Variants in CLIC5 observed in about 807,000 individuals in gnomAD.
CLIC5 encodes CLIC family member 5, also known as chloride intracellular channel protein 5.
CLIC5 carries 20 observed loss-of-function variants against 24.7 expected under a neutral mutation model. That is an observed-to-expected ratio of 0.81 (90% CI 0.57 to 1.18). The LOEUF is 1.18. CLIC5 is among the 50% of genes most tolerant of loss of function. The pLI is 0.00. For synonymous variants in CLIC5, 159 were observed against 135.6 expected (o/e 1.17, Z -1.20); for missense variants, 341 against 326.1 (o/e 1.05, Z -0.35).
At chr6:46,122,281 C>CA in the CLIC5 span, among the ~76,000 whole-genome samples, 1 of 152,210 alleles carries the variant, frequency 6.6e-6, no homozygotes, top group Non-Finnish European at 1.5e-5. Context: ...GAAACTCACT[C>CA]AAAACCACTC....
the CLIC5 span, among the ~76,000 whole-genome samples, chr6:46,125,293 G>A: frequency 6.6e-6 from 1 of 152,064 alleles, no homozygotes; most frequent in Non-Finnish European, 1.5e-5. Flanking sequence ...GGATGAAGCT[G>A]GAAACCATCA....
At chr6:45,930,184 G>C (rs1213533596) in intron 4 of CLIC5, among the ~76,000 whole-genome samples, 1 of 152,128 alleles carries the variant, frequency 6.6e-6, no homozygotes, top group Non-Finnish European at 1.5e-5. Flanking sequence ...CATGACGCCT[G>C]GGGGAAAGCA....
At chr6:46,097,685 T>C in the CLIC5 span, among the ~76,000 whole-genome samples, 1 of 152,244 alleles carries the variant, frequency 6.6e-6, no homozygotes, top group Non-Finnish European at 1.5e-5. Flanking sequence ...TTCCAGGCCA[T>C]ACATGATTCA....
At chr6:46,120,223 C>A in the CLIC5 span, among the ~76,000 whole-genome samples, 3 of 152,206 alleles carry the variant, frequency 2.0e-5, no homozygotes, top group Non-Finnish European at 2.9e-5. Context: ...GGGTACTCCT[C>A]TGAGATGAAA....
chr6:45,951,792 TAG>T (rs1764477239), intron 2 of CLIC5, among the ~76,000 whole-genome samples: 1 of 151,614 alleles, frequency 6.6e-6, no homozygotes, highest in African/African-American at 2.4e-5. Context: ...ACAGTGGGAG[TAG>T]AGGAGTCTGT....
intron 1 of CLIC5, among the ~76,000 whole-genome samples, chr6:46,050,837 T>C (rs549646958): frequency 4.8e-4 from 57 of 118,218 alleles, no homozygotes; most frequent in African/African-American, 1.8e-3. Flanking sequence ...GTATTTAAGG[T>C]ATAAAGTGTG....
At position 45,902,735 on chromosome 6, in the gene CLIC5, T is replaced by A. The variant is rs141721441; in HGVS notation, c.*353A>T. The A allele has an allele frequency of 1.2e-3, 307 of 247,010 alleles. 2 individuals are homozygous for A. Among genetic ancestry groups the A allele is most frequent in the African/African-American group, 6.6e-3 (290 of 43,646 alleles). The allele number at this position is 247,010 out of a possible 1,614,324, so 15.3% of individuals were successfully genotyped here. On this transcript the variant is annotated 3_prime_UTR_variant, in exon 6 of 6. Coordinates refer to ENST00000339561, the MANE Select transcript of CLIC5 (RefSeq NM_016929.5). Reference sequence around the variant, plus strand: ...GGGTAGAAAAGGAGTTGGTGTTGCATGTTTCTAAAGCATCTGAGAAGGTAT... The same window carrying A: ...GGGTAGAAAAGGAGTTGGTGTTGCAAGTTTCTAAAGCATCTGAGAAGGTAT...
At chr6:46,039,465 C>T (rs534142504) in intron 1 of CLIC5, among the ~76,000 whole-genome samples, 62 of 151,738 alleles carry the variant, frequency 4.1e-4, no homozygotes, top group Admixed American at 1.6e-3. Context: ...GGTGCAGAGA[C>T]GGCATTAGAT....
At chr6:45,909,006 A>G (rs1390247510) in intron 5 of CLIC5, among the ~76,000 whole-genome samples, 1 of 141,428 alleles carries the variant, frequency 7.1e-6, no homozygotes, top group African/African-American at 2.6e-5. Flanking sequence ...TGTTGTAGTC[A>G]CCCCTTTACT....
At chr6:45,944,233 G>A (rs1764219451) in intron 3 of CLIC5, among the ~76,000 whole-genome samples, 1 of 151,766 alleles carries the variant, frequency 6.6e-6, no homozygotes, top group South Asian at 2.1e-4. Context: ...TCAAAAGGAG[G>A]ATACTGTTTT....
intron 1 of CLIC5, among the ~76,000 whole-genome samples, chr6:45,972,279 G>T (rs1765226497): frequency 6.6e-6 from 1 of 152,156 alleles, no homozygotes; most frequent in Non-Finnish European, 1.5e-5. Context: ...CCCTGTAATT[G>T]GGAATAATAA....
chr6:46,022,879 C>G (rs1306931156), intron 1 of CLIC5, among the ~76,000 whole-genome samples: 2 of 152,174 alleles, frequency 1.3e-5, no homozygotes, highest in Non-Finnish European at 2.9e-5. Context: ...GATGAGCAGT[C>G]TTAGTTCCTG....
intron 4 of CLIC5, among the ~76,000 whole-genome samples, chr6:45,919,274 G>A (rs922495860): frequency 6.6e-6 from 1 of 152,142 alleles, no homozygotes; most frequent in Non-Finnish European, 1.5e-5. Flanking sequence ...TGACCTCACA[G>A]CACTGGGGAG....
chr6:46,078,424 G>GA (rs770660152), intron 1 of CLIC5, among the ~76,000 whole-genome samples: 13 of 152,198 alleles, frequency 8.5e-5, no homozygotes, highest in Non-Finnish European at 1.6e-4. Context: ...ATGGAGGTCA[G>GA]AAAACTGCGT....
At chr6:45,916,202 A>G (rs1034899435) in intron 4 of CLIC5, among the ~76,000 whole-genome samples, 32 of 152,322 alleles carry the variant, frequency 2.1e-4, no homozygotes, top group African/African-American at 7.0e-4. Flanking sequence ...TAGTTTCTCA[A>G]TACTTTCTTC....
chr6:45,956,393 T>A (rs375720656), intron 1 of CLIC5, among the ~76,000 whole-genome samples: 2 of 151,770 alleles, frequency 1.3e-5, no homozygotes, highest in Admixed American at 6.6e-5. Flanking sequence ...AGGAAGGGCC[T>A]GTGTGGGCCA....
At chr6:46,058,493 C>G (rs936143653) in intron 1 of CLIC5, among the ~76,000 whole-genome samples, 1 of 152,212 alleles carries the variant, frequency 6.6e-6, no homozygotes, top group Non-Finnish European at 1.5e-5. Context: ...TGTGCCTTTC[C>G]TACTCCTCCA....
the CLIC5 span, among the ~76,000 whole-genome samples, chr6:46,116,836 C>T: frequency 6.6e-6 from 1 of 152,134 alleles, no homozygotes; most frequent in African/African-American, 2.4e-5. Context: ...GAAGGGCTCC[C>T]TTCATCCACT....
chr6:46,035,054 AC>A, intron 1 of CLIC5, among the ~76,000 whole-genome samples: 1 of 152,334 alleles, frequency 6.6e-6, no homozygotes, highest in East Asian at 1.9e-4. Flanking sequence ...AAAAAGTTTT[AC>A]CCATATTATC....
Sources: gnomAD v4.1 joint callset for allele counts (sites outside exome capture counted in the v4.1 genomes callset) on GRCh38, gnomAD v4.1.1 for gene constraint, MANE v1.5 for transcripts, NCBI Gene and HGNC (gene_info 2026-07-23, HGNC 2026-07-21) for gene names.